RAD51B: variants seen among roughly 807,000 people sequenced by gnomAD.
RAD51B encodes the protein RAD51 paralog B, also known as DNA repair protein RAD51 homolog 2.
A neutral mutation model predicts 42.2 loss-of-function variants in RAD51B; 38 were observed. That is an observed-to-expected ratio of 0.90 (90% CI 0.70 to 1.18). The LOEUF is 1.18. RAD51B is among the 50% of genes most tolerant of loss of function. The pLI, the probability that RAD51B is intolerant of heterozygous loss-of-function variation, is 0.00. For missense variants in RAD51B, 373 were observed against 400.7 expected (o/e 0.93, Z 0.59); for synonymous variants, 154 against 145.2 (o/e 1.06, Z -0.43).
intron 7 of RAD51B, among the ~76,000 whole-genome samples, chr14:68,068,707 A>G (rs975735917): frequency 6.6e-6 from 1 of 152,204 alleles, no homozygotes; most frequent in African/African-American, 2.4e-5. Flanking sequence ...TTTCCAGAGT[A>G]GTGGTAACAT....
intron 7 of RAD51B, among the ~76,000 whole-genome samples, chr14:68,283,365 G>C (rs2081356023): frequency 6.6e-6 from 1 of 152,240 alleles, no homozygotes; most frequent in African/African-American, 2.4e-5. Flanking sequence ...GACACGTACA[G>C]TGCAGCAGAA....
chr14:68,430,401 G>A (rs925786453), intron 9 of RAD51B, among the ~76,000 whole-genome samples: 17 of 152,266 alleles, frequency 1.1e-4, no homozygotes, highest in African/African-American at 4.1e-4. Flanking sequence ...TCTTCCATTT[G>A]TTTGTGTCCT....
chr14:67,945,030 A>C (rs545836827), intron 7 of RAD51B, among the ~76,000 whole-genome samples: 1 of 152,350 alleles, frequency 6.6e-6, no homozygotes, highest in East Asian at 1.9e-4. Flanking sequence ...TATTTGTTTT[A>C]GTTGTACTCC....
At chr14:67,836,249 C>T (rs988678578) in intron 4 of RAD51B, among the ~76,000 whole-genome samples, 1 of 152,120 alleles carries the variant, frequency 6.6e-6, no homozygotes, top group Non-Finnish European at 1.5e-5. Context: ...CAAATGGGTG[C>T]TGGTGGTTGG....
intron 7 of RAD51B, among the ~76,000 whole-genome samples, chr14:68,241,596 C>T (rs1032238140): frequency 2.0e-5 from 3 of 151,938 alleles, no homozygotes; most frequent in African/African-American, 4.8e-5. Context: ...TAAAATATTT[C>T]GCTTCATCAT....
At chr14:68,232,687 C>A (rs370645608) in intron 7 of RAD51B, among the ~76,000 whole-genome samples, 2 of 152,214 alleles carry the variant, frequency 1.3e-5, no homozygotes, top group Non-Finnish European at 2.9e-5. Flanking sequence ...AGGTAAATCA[C>A]CAGCTTGGTC....
In RAD51B at chr14:68,477,725, G is replaced by C; in HGVS notation, c.*61G>C. 3 of 1,587,794 alleles carry C rather than the reference G, an allele frequency of 1.9e-6. No homozygotes were observed. The highest frequency in any genetic ancestry group is 2.6e-6 in the Non-Finnish European group (3 of 1,173,010). ...GTGATTTGTGAAATAAAACAGGACC[G>C]TACTGCTTGGAAGAAGGAAACGGAA... On this transcript the variant is annotated 3_prime_UTR_variant, in exon 11 of 11. Coordinates refer to ENST00000471583, the MANE Select transcript of RAD51B (RefSeq NM_133510.4).
chr14:68,120,518 A>G lies in RAD51B; in HGVS notation c.757-171366A>G, dbSNP rs1316205881. Among the ~76,000 whole-genome samples the G allele has an allele frequency of 2.0e-5, 3 of 152,320 alleles. No homozygotes were observed. In the East Asian group the frequency reaches 5.8e-4, roughly 29 times the overall value. On this transcript the variant is annotated intron_variant, in intron 7 of 10. Transcript: ENST00000471583. ...GGTGCCTAACAAAAACTGGCCCTCA[A>G]TACATATTCATTGAATGAAAAAATG...
chr14:68,457,923 T>C (rs2085744220), intron 9 of RAD51B, among the ~76,000 whole-genome samples: 1 of 150,724 alleles, frequency 6.6e-6, no homozygotes, highest in African/African-American at 2.4e-5. Flanking sequence ...CTAGGAATTA[T>C]TAACACTTTC....
At chr14:67,940,322 C>G (rs1324408805) in intron 7 of RAD51B, among the ~76,000 whole-genome samples, 1 of 151,534 alleles carries the variant, frequency 6.6e-6, no homozygotes, top group East Asian at 1.9e-4. Flanking sequence ...GATCCACCAC[C>G]TGCCTTGGCC....
At chr14:68,189,234 C>G (rs2079215664) in intron 7 of RAD51B, among the ~76,000 whole-genome samples, 1 of 151,984 alleles carries the variant, frequency 6.6e-6, no homozygotes, top group Non-Finnish European at 1.5e-5. Context: ...GGGCTGTGAG[C>G]CTTCAGAGGG....
chr14:67,938,839 G>T (rs1346707935), intron 7 of RAD51B, among the ~76,000 whole-genome samples: 1 of 152,196 alleles, frequency 6.6e-6, no homozygotes, highest in Non-Finnish European at 1.5e-5. Context: ...TGCTACCTAA[G>T]ATTTTTATTT....
At chr14:68,226,601 G>GT (rs2080044182) in intron 7 of RAD51B, among the ~76,000 whole-genome samples, 1 of 152,208 alleles carries the variant, frequency 6.6e-6, no homozygotes, top group Non-Finnish European at 1.5e-5. Flanking sequence ...CGTGTAAGAC[G>GT]TAACTTTGCT....
chr14:67,953,374 C>G (rs2074489258), intron 7 of RAD51B, among the ~76,000 whole-genome samples: 1 of 152,010 alleles, frequency 6.6e-6, no homozygotes, highest in Admixed American at 6.6e-5. Flanking sequence ...TGAAGTATAA[C>G]TTTTATAGAG....
chr14:68,419,368 A>T (rs1488524873), intron 9 of RAD51B, among the ~76,000 whole-genome samples: 3 of 152,084 alleles, frequency 2.0e-5, no homozygotes, highest in African/African-American at 4.8e-5. Flanking sequence ...TTTGCAGGTG[A>T]TATATTTATA....
intron 4 of RAD51B, among the ~76,000 whole-genome samples, chr14:67,845,901 G>T (rs966709160): frequency 6.6e-6 from 1 of 152,092 alleles, no homozygotes; most frequent in African/African-American, 2.4e-5. Flanking sequence ...GTGTCCTGGG[G>T]ATGATCATTT....
chr14:68,464,752 C>T (rs2085931753), intron 9 of RAD51B, among the ~76,000 whole-genome samples: 1 of 151,116 alleles, frequency 6.6e-6, no homozygotes, highest in African/African-American at 2.4e-5. Flanking sequence ...GCCCTCTGAT[C>T]TATCACTCTG....
intron 10 of RAD51B, chr14:68,562,024 G>A (rs17105837): frequency 0.22 from 220,640 of 985,138 alleles, 25,153 homozygotes; most frequent in East Asian, 0.38. Flanking sequence ...CTCACAGCAC[G>A]TCTCTGAAGC....
At chr14:68,244,391 C>A (rs1041027924) in intron 7 of RAD51B, among the ~76,000 whole-genome samples, 1 of 152,152 alleles carries the variant, frequency 6.6e-6, no homozygotes, top group African/African-American at 2.4e-5. Flanking sequence ...ATCTGTAGGG[C>A]AGGACTTCCT....
Sources: allele counts gnomAD v4.1 joint callset (sites outside exome capture counted in the v4.1 genomes callset), GRCh38; gene constraint gnomAD v4.1.1; transcripts MANE v1.5; gene names NCBI Gene and HGNC (gene_info 2026-07-23, HGNC 2026-07-21).